Variants in CASD1 observed in about 807,000 individuals in gnomAD.
CASD1 encodes the protein CAS1 domain sialic acid O acetyltransferase 1, also known as N-acetylneuraminate (7)9-O-acetyltransferase.
Under a neutral mutation model 100.0 loss-of-function variants are expected in CASD1, and 41 were observed. The observed-to-expected ratio is 0.41, with a 90% CI of 0.32 to 0.53. CASD1 has a LOEUF of 0.53. Among genes scored for constraint, CASD1 ranks in the 20% least tolerant of loss-of-function variants. CASD1 has a pLI of 0.25. For missense variants in CASD1, 774 were observed against 948.7 expected (o/e 0.82, Z 2.42); for synonymous variants, 321 against 315.6 (o/e 1.02, Z -0.18).
the CASD1 span, chr7:94,621,125 C>G: frequency 2.0e-5 from 3 of 152,170 alleles, no homozygotes; most frequent in Non-Finnish European, 2.9e-5. Context: ...GCATGATTAC[C>G]CTGATATATA....
chr7:94,515,275 T>TTATGAA (rs1793920660), intron 1 of CASD1, among the ~76,000 whole-genome samples: 1 of 152,166 alleles, frequency 6.6e-6, no homozygotes, highest in Non-Finnish European at 1.5e-5. Flanking sequence ...CATCTTTGTG[T>TTATGAA]TATGAAATAT....
chr7:94,559,069 G>T (rs1296937699), downstream of CASD1, among the ~76,000 whole-genome samples: 1 of 152,038 alleles, frequency 6.6e-6, no homozygotes, highest in African/African-American at 2.4e-5. Flanking sequence ...CAAAGTGCTG[G>T]GATTACAGGC....
chr7:94,593,234 C>A, the CASD1 span, among the ~76,000 whole-genome samples: 3 of 152,046 alleles, frequency 2.0e-5, no homozygotes, highest in Non-Finnish European at 4.4e-5. Flanking sequence ...TACAACCTAT[C>A]TCCTGTTTTG....
At chr7:94,628,702 C>G in the CASD1 span, 3 of 246,156 alleles carry the variant, frequency 1.2e-5, no homozygotes, top group African/African-American at 6.9e-5. Context: ...CATTCTTTTG[C>G]GAAATATTCC....
chr7:94,622,813 T>C, the CASD1 span, among the ~76,000 whole-genome samples: 1 of 152,146 alleles, frequency 6.6e-6, no homozygotes, highest in African/African-American at 2.4e-5. Context: ...AAATTACTAA[T>C]ACACTATAAA....
At chr7:94,596,158 C>G in the CASD1 span, among the ~76,000 whole-genome samples, 1 of 152,040 alleles carries the variant, frequency 6.6e-6, no homozygotes, top group Admixed American at 6.6e-5. Flanking sequence ...TCTGATCAAC[C>G]TAATGACAGT....
At chr7:94,568,660 A>G in the CASD1 span, among the ~76,000 whole-genome samples, 1 of 152,208 alleles carries the variant, frequency 6.6e-6, no homozygotes, top group South Asian at 2.1e-4. Context: ...CTGAATGTGT[A>G]TGAATTAATA....
the CASD1 span, chr7:94,623,995 T>C: frequency 2.6e-6 from 1 of 389,220 alleles, no homozygotes; most frequent in Non-Finnish European, 4.5e-6. Context: ...CGGGCAAATA[T>C]TAGTAAACAT....
intron 13 of CASD1, among the ~76,000 whole-genome samples, chr7:94,548,627 T>A (rs1795796694): frequency 6.6e-6 from 1 of 151,858 alleles, no homozygotes; most frequent in Non-Finnish European, 1.5e-5. Context: ...AATAATATTA[T>A]AAAGTTCTTC....
the CASD1 span, among the ~76,000 whole-genome samples, chr7:94,566,506 A>C: frequency 6.6e-6 from 1 of 152,150 alleles, no homozygotes. Flanking sequence ...ACATCCTTAC[A>C]TAAAGAACTC....
the CASD1 span, chr7:94,624,194 A>C: frequency 8.8e-5 from 35 of 397,930 alleles, no homozygotes; most frequent in Middle Eastern, 6.2e-4. Context: ...TGATTGTGTC[A>C]AAATCTTAGA....
the CASD1 span, among the ~76,000 whole-genome samples, chr7:94,581,085 T>C: frequency 1.3e-5 from 2 of 152,188 alleles, no homozygotes; most frequent in African/African-American, 4.8e-5. Flanking sequence ...TTTAAATATA[T>C]AGTGAAAAAT....
the CASD1 span, among the ~76,000 whole-genome samples, chr7:94,564,528 A>G: frequency 6.6e-6 from 1 of 152,180 alleles, no homozygotes; most frequent in Admixed American, 6.5e-5. Flanking sequence ...AAAGGACCCA[A>G]TTGAGGCTAA....
At chr7:94,567,316 A>G in the CASD1 span, among the ~76,000 whole-genome samples, 1 of 151,856 alleles carries the variant, frequency 6.6e-6, no homozygotes, top group Non-Finnish European at 1.5e-5. Flanking sequence ...CCTAGTTTTT[A>G]TTTATTCTCT....
chr7:94,589,697 AG>A, the CASD1 span: 1 of 164,524 alleles, frequency 6.1e-6, no homozygotes, highest in Non-Finnish European at 1.3e-5. Flanking sequence ...CGAGGGATCT[AG>A]GTTGTGCACT....
At chr7:94,601,455 A>AC in the CASD1 span, among the ~76,000 whole-genome samples, 29 of 67,794 alleles carry the variant, frequency 4.3e-4, no homozygotes, top group Admixed American at 5.3e-3. Flanking sequence ...AAAAAAAAAA[A>AC]AAAAAAAAAA....
the CASD1 span, among the ~76,000 whole-genome samples, chr7:94,602,705 A>C: frequency 6.6e-6 from 1 of 152,188 alleles, no homozygotes; most frequent in African/African-American, 2.4e-5. Flanking sequence ...CACATATCTT[A>C]CATATATTTG....
the CASD1 span, chr7:94,588,842 G>T: frequency 8.4e-7 from 1 of 1,194,042 alleles, no homozygotes; most frequent in Non-Finnish European, 1.2e-6. Context: ...CCCCAGTCAT[G>T]TAATCCAGCA....
At chr7:94,631,477 A>C in the CASD1 span, among the ~76,000 whole-genome samples, 2 of 151,938 alleles carry the variant, frequency 1.3e-5, no homozygotes, top group African/African-American at 4.8e-5. Flanking sequence ...CAACACCTGG[A>C]AATATGGGAG....
Sources: gnomAD v4.1 joint callset for allele counts (sites outside exome capture counted in the v4.1 genomes callset) on GRCh38, gnomAD v4.1.1 for gene constraint, MANE v1.5 for transcripts, NCBI Gene and HGNC (gene_info 2026-07-23, HGNC 2026-07-21) for gene names.